SLCO5A1: variants seen among roughly 807,000 people sequenced by gnomAD.
SLCO5A1 encodes solute carrier organic anion transporter family member 5A1, also known as organic anion transporter polypeptide-related protein 4.
A neutral mutation model predicts 65.1 loss-of-function variants in SLCO5A1; 39 were observed. The observed-to-expected ratio is 0.60, with a 90% confidence interval of 0.46 to 0.78. The LOEUF is 0.78. SLCO5A1 is among the 30% of genes least tolerant of loss of function. The pLI is 0.00. For missense variants in SLCO5A1, 1,029 were observed against 1,069.4 expected (o/e 0.96, Z 0.53); for synonymous variants, 438 against 415.7 (o/e 1.05, Z -0.65).
chr8:69,676,021 G>A (rs184661694), intron 9 of SLCO5A1, among the ~76,000 whole-genome samples: 36 of 152,262 alleles, frequency 2.4e-4, no homozygotes, highest in Admixed American at 2.6e-4. Flanking sequence ...TGTTCCACCC[G>A]TACAAATGTA....
intron 2 of SLCO5A1, among the ~76,000 whole-genome samples, chr8:69,809,978 C>G (rs746904654): frequency 2.4e-4 from 37 of 152,186 alleles, no homozygotes; most frequent in Admixed American, 5.2e-4. Context: ...TAACACTGGA[C>G]TATGCCTAAC....
intron 9 of SLCO5A1, among the ~76,000 whole-genome samples, chr8:69,673,688 A>G (rs934492029): frequency 6.6e-5 from 10 of 152,266 alleles, no homozygotes; most frequent in African/African-American, 2.4e-4. Flanking sequence ...TTTTAATCTT[A>G]AAAATTGGAT....
At chr8:69,732,789 T>A (rs532364273) in intron 5 of SLCO5A1, among the ~76,000 whole-genome samples, 1 of 152,028 alleles carries the variant, frequency 6.6e-6, no homozygotes, top group African/African-American at 2.4e-5. Context: ...CTTGGGAGGC[T>A]GAGGGAGGAG....
At chr8:69,812,867 T>A (rs921798538) in intron 2 of SLCO5A1, among the ~76,000 whole-genome samples, 23 of 152,228 alleles carry the variant, frequency 1.5e-4, no homozygotes, top group Admixed American at 3.3e-4. Flanking sequence ...AGGAAGTCTT[T>A]CTCATAGGTA....
chr8:69,760,487 A>G (rs1404641352), intron 3 of SLCO5A1, among the ~76,000 whole-genome samples: 1 of 152,222 alleles, frequency 6.6e-6, no homozygotes, highest in African/African-American at 2.4e-5. Flanking sequence ...TTATCATGTA[A>G]TGAAACACAG....
chr8:69,790,211 A>G (rs949678956), intron 2 of SLCO5A1, among the ~76,000 whole-genome samples: 1 of 150,264 alleles, frequency 6.7e-6, no homozygotes, highest in Non-Finnish European at 1.5e-5. Context: ...AAAAAAAAAA[A>G]GGAGTGTAAT....
chr8:69,704,891 TGGA>T (rs1337320163), intron 6 of SLCO5A1, 137 bp downstream of exon 6: 10 of 773,966 alleles, frequency 1.3e-5, no homozygotes. Flanking sequence ...ATGCTCCACT[TGGA>T]GAGGCAGAGC....
In SLCO5A1 at chr8:69,668,895, T is replaced by A. The variant is rs1430991818; in HGVS notation, c.*3974A>T. The stretch of plus-strand genomic sequence containing the variant: ...AACAATCGGGATCAGTGGTTTGATA[T>A]GTATTTTATGTGTGTTCACTTAAAA... On this transcript the variant is annotated 3_prime_UTR_variant, in exon 10 of 10. Transcript: ENST00000260126. The A allele has an allele frequency of 6.6e-6, 1 of 152,164 alleles. No individual in the cohort carries two copies. Among genetic ancestry groups the A allele is most frequent in the Non-Finnish European group, 1.5e-5 (1 of 68,038 alleles). 9.4% of individuals were successfully genotyped at this position (152,164 alleles called of 1,614,324 possible). A position where few individuals can be genotyped will look rare whatever the true frequency, so the allele number is the denominator to read the frequency against.
At chr8:69,792,321 G>A (rs898120079) in intron 2 of SLCO5A1, among the ~76,000 whole-genome samples, 67 of 152,260 alleles carry the variant, frequency 4.4e-4, no homozygotes, top group African/African-American at 1.6e-3. Context: ...GTAAAATTTG[G>A]GCATAAAGGG....
intron 2 of SLCO5A1, among the ~76,000 whole-genome samples, chr8:69,821,135 T>C (rs1007106500): frequency 6.6e-6 from 1 of 152,054 alleles, no homozygotes; most frequent in South Asian, 2.1e-4. Flanking sequence ...CTATAAAATC[T>C]TGAAGAAATA....
In SLCO5A1 at chr8:69,679,838, A is replaced by G. The variant is rs150329666; in HGVS notation, c.1783-219T>C. ...CTGCTGGTCAAAATTGTTTAAACCT[A>G]AACTTTTCTAAGAAGCTTTCAACAT... On this transcript the variant is annotated intron_variant, in intron 7 of 9. Coordinates refer to ENST00000260126, the MANE Select transcript of SLCO5A1 (RefSeq NM_030958.3). 2.7e-3 allele frequency among the ~76,000 whole-genome samples: 405 copies of G among 152,310 alleles called. 2 individuals carry two copies. The highest frequency in any genetic ancestry group is 7.6e-3 in the African/African-American group (318 of 41,578).
chr8:69,780,295 T>A (rs1818737300), intron 2 of SLCO5A1, among the ~76,000 whole-genome samples: 1 of 152,172 alleles, frequency 6.6e-6, no homozygotes, highest in African/African-American at 2.4e-5. Context: ...GCAATCCCAC[T>A]ACTGGGGTAT....
intron 2 of SLCO5A1, among the ~76,000 whole-genome samples, chr8:69,815,268 T>C (rs1310036660): frequency 6.6e-6 from 1 of 152,204 alleles, no homozygotes; most frequent in Non-Finnish European, 1.5e-5. Context: ...CATAAATTTA[T>C]GCTGTTATAA....
chr8:69,744,033 T>C (rs112692920), intron 4 of SLCO5A1, among the ~76,000 whole-genome samples: 4,117 of 152,274 alleles, frequency 0.027, 174 homozygotes, highest in African/African-American at 0.091. Context: ...GGGGCCCAGC[T>C]GCTGGGGCTT....
chr8:69,782,800 G>T (rs1818853114), intron 2 of SLCO5A1, among the ~76,000 whole-genome samples: 2 of 152,088 alleles, frequency 1.3e-5, no homozygotes, highest in Non-Finnish European at 2.9e-5. Context: ...AGTGCCAAAT[G>T]ACCCATCTAA....
chr8:69,787,512 G>A (rs978881252), intron 2 of SLCO5A1, among the ~76,000 whole-genome samples: 5 of 152,150 alleles, frequency 3.3e-5, no homozygotes, highest in African/African-American at 9.7e-5. Context: ...TTGGAATTAA[G>A]AATTTTTCAC....
At chr8:69,728,269 G>T (rs946730424) in intron 5 of SLCO5A1, among the ~76,000 whole-genome samples, 3 of 151,984 alleles carry the variant, frequency 2.0e-5, no homozygotes, top group Non-Finnish European at 1.5e-5. Context: ...AAATAAAAAA[G>T]GATAAACTAA....
At chr8:69,701,865 C>A (rs1814752034) in intron 6 of SLCO5A1, among the ~76,000 whole-genome samples, 2 of 152,184 alleles carry the variant, frequency 1.3e-5, no homozygotes, top group East Asian at 1.9e-4. Flanking sequence ...GAGTTCGACT[C>A]TTTCCATTGA....
intron 2 of SLCO5A1, among the ~76,000 whole-genome samples, chr8:69,775,389 A>C (rs1818514354): frequency 6.6e-6 from 1 of 152,302 alleles, no homozygotes; most frequent in Admixed American, 6.5e-5. Context: ...GCTTTAAAAC[A>C]ACAGATTGGC....
Sources: allele counts gnomAD v4.1 joint callset (sites outside exome capture counted in the v4.1 genomes callset), GRCh38; gene constraint gnomAD v4.1.1; transcripts MANE v1.5; gene names NCBI Gene and HGNC (gene_info 2026-07-23, HGNC 2026-07-21).